RBFOX1: variants seen among roughly 807,000 people sequenced by gnomAD.
RBFOX1 encodes the protein RNA binding protein fox-1 homolog 1.
Under a neutral mutation model 57.7 loss-of-function variants are expected in RBFOX1, and 8 were observed. The ratio of observed to expected loss-of-function variants is 0.14; its 90% CI spans 0.08 to 0.25. The LOEUF (loss-of-function observed/expected upper bound fraction) is 0.25, where lower values mean the gene tolerates loss of function less well. Among genes scored for constraint, RBFOX1 ranks in the 10% least tolerant of loss-of-function variants. The probability of loss-of-function intolerance (pLI) is 1.00; values close to 1 mark genes in which losing one functional copy is unlikely to be tolerated. For missense variants in RBFOX1, 611 were observed against 548.5 expected, an observed-to-expected ratio of 1.11 and a Z score of -1.14; for synonymous variants, 326 against 222.4, an observed-to-expected ratio of 1.47 and a Z score of -4.15.
chr16:7,341,187 T>C (rs952170844), intron 4 of RBFOX1, among the ~76,000 whole-genome samples: 3 of 152,192 alleles, frequency 2.0e-5, no homozygotes, highest in Non-Finnish European at 4.4e-5. Context: ...GGAGCCAGCA[T>C]GTTCACTTGA....
chr16:6,466,343 A>G (rs1040406637), intron 2 of RBFOX1, among the ~76,000 whole-genome samples: 13 of 152,100 alleles, frequency 8.5e-5, no homozygotes, highest in Non-Finnish European at 1.9e-4. Context: ...TTAAATGCTT[A>G]CTATATTCCA....
At chr16:6,319,133 C>T (rs926762935) in intron 2 of RBFOX1, among the ~76,000 whole-genome samples, 1 of 152,074 alleles carries the variant, frequency 6.6e-6, no homozygotes. Flanking sequence ...CAGTCTCTTA[C>T]AGGATTTTAG....
At chr16:6,100,474 T>C (rs2096292282) in intron 1 of RBFOX1, among the ~76,000 whole-genome samples, 2 of 152,240 alleles carry the variant, frequency 1.3e-5, no homozygotes, top group African/African-American at 2.4e-5. Flanking sequence ...CTTATTGCTT[T>C]ATTCTAATGT....
At chr16:6,133,639 C>T (rs2096645545) in intron 1 of RBFOX1, among the ~76,000 whole-genome samples, 1 of 152,220 alleles carries the variant, frequency 6.6e-6, no homozygotes, top group Non-Finnish European at 1.5e-5. Context: ...TTGGTGGCTT[C>T]CCATTGCTCT....
intron 11 of RBFOX1, among the ~76,000 whole-genome samples, chr16:7,644,327 C>T (rs183609759): frequency 6.6e-6 from 1 of 152,248 alleles, no homozygotes; most frequent in Non-Finnish European, 1.5e-5. Context: ...CTAGTAAATC[C>T]TAGCTGTTAT....
intron 3 of RBFOX1, among the ~76,000 whole-genome samples, chr16:6,991,753 T>C (rs891958384): frequency 1.5e-4 from 23 of 152,240 alleles, no homozygotes; most frequent in African/African-American, 4.1e-4. Flanking sequence ...CCCAGGCTGG[T>C]CTTGAACTCC....
intron 4 of RBFOX1, among the ~76,000 whole-genome samples, chr16:7,416,787 A>T (rs552135590): frequency 6.6e-6 from 1 of 152,256 alleles, no homozygotes. Context: ...GACAATGACG[A>T]TAGTGAGTAG....
rs543751640 is a variant in RBFOX1, at chr16:6,642,402, A to T, written c.-63-12201A>T. ...CAATGCATAGCTCTTATTTGCAAAC[A>T]GACCTTTGGTTTGAGCTCACCTGGT... On this transcript the variant is annotated intron_variant, in intron 2 of 15. Transcript: ENST00000550418. Among the ~76,000 whole-genome samples, 96 of 152,252 alleles carry T rather than the reference A, an allele frequency of 6.3e-4. No individual in the cohort carries two copies. In the Middle Eastern group the frequency reaches 0.01, roughly 16 times the overall value.
chr16:5,789,486 G>T (rs2054616947), intron 3 of RBFOX1, among the ~76,000 whole-genome samples: 1 of 152,124 alleles, frequency 6.6e-6, no homozygotes, highest in Admixed American at 6.5e-5. Context: ...TATGTATTTG[G>T]AGTCAAGTTT....
intron 2 of RBFOX1, among the ~76,000 whole-genome samples, chr16:6,414,890 C>T (rs1173775365): frequency 1.3e-5 from 2 of 152,070 alleles, no homozygotes; most frequent in Admixed American, 6.5e-5. Context: ...GTCAGACATC[C>T]TGCAAGGCAT....
Position 6,800,289 on chromosome 16 carries a change from A to C in RBFOX1, c.-16+145639A>C, listed in dbSNP as rs114376488. 2.3e-3 allele frequency among the ~76,000 whole-genome samples: 351 copies of C among 151,394 alleles called. 4 individuals carry two copies. The highest frequency in any genetic ancestry group is 8.0e-3 in the African/African-American group (326 of 40,732). ...ATTGAAAACCCAGCACCCTGGAAAC[A>C]CCTTAGTCCTGGGCCAACCAGACGG... is the stretch of plus-strand genomic sequence containing the variant. On this transcript the variant is annotated intron_variant, in intron 3 of 15. Coordinates refer to ENST00000550418, the MANE Select transcript of RBFOX1 (RefSeq NM_018723.4).
intron 4 of RBFOX1, among the ~76,000 whole-genome samples, chr16:7,354,544 C>T (rs1022291350): frequency 1.1e-4 from 16 of 152,162 alleles, no homozygotes; most frequent in Non-Finnish European, 1.9e-4. Flanking sequence ...CTTCCTAAAA[C>T]CTTCTAAACT....
At chr16:5,813,200 G>T (rs1046715877) in intron 3 of RBFOX1, among the ~76,000 whole-genome samples, 2 of 152,068 alleles carry the variant, frequency 1.3e-5, no homozygotes, top group Non-Finnish European at 2.9e-5. Context: ...TAGAGACGGG[G>T]TTTCACCATC....
intron 4 of RBFOX1, among the ~76,000 whole-genome samples, chr16:7,361,154 T>G (rs1008178449): frequency 5.9e-5 from 9 of 152,180 alleles, no homozygotes; most frequent in African/African-American, 1.9e-4. Flanking sequence ...CAGCCCTCTT[T>G]CCAAGCTTCT....
intron 3 of RBFOX1, among the ~76,000 whole-genome samples, chr16:6,998,558 T>C (rs2092469254): frequency 1.3e-5 from 2 of 152,192 alleles, no homozygotes; most frequent in Admixed American, 1.3e-4. Flanking sequence ...CTGGTTGTAT[T>C]GAAGAACCAA....
rs549110700 is a variant in RBFOX1 at position 6,373,453 on chromosome 16, G to C, written c.-64+56396G>C. The stretch of plus-strand genomic sequence containing the variant: ...GGAAGTATAACTGGATGGGAGGATG[G>C]TTGGTTAGGATCTTTGGGTAGGAGG... On this transcript the variant is annotated intron_variant, in intron 2 of 15. Coordinates refer to ENST00000550418, the MANE Select transcript of RBFOX1 (RefSeq NM_018723.4). Among the ~76,000 whole-genome samples the C allele has an allele frequency of 6.1e-4, 93 of 152,040 alleles. No homozygotes were observed. In the Middle Eastern group the frequency reaches 0.017, roughly 28 times the overall value.
chr16:7,353,472 T>C (rs2097162803), intron 4 of RBFOX1, among the ~76,000 whole-genome samples: 2 of 152,196 alleles, frequency 1.3e-5, no homozygotes, highest in African/African-American at 2.4e-5. Context: ...ATATTCAAGA[T>C]AATTAAAAAC....
chr16:5,693,503 G>A (rs1358505774), intron 3 of RBFOX1, among the ~76,000 whole-genome samples: 1 of 151,238 alleles, frequency 6.6e-6, no homozygotes, highest in Non-Finnish European at 1.5e-5. Flanking sequence ...CATAATACTT[G>A]TGGAACAAAA....
At chr16:5,451,358 C>T (rs752794341) in intron 1 of RBFOX1, among the ~76,000 whole-genome samples, 3 of 152,060 alleles carry the variant, frequency 2.0e-5, no homozygotes, top group East Asian at 3.9e-4. Flanking sequence ...TCCACTGTGG[C>T]GAAAAATAAT....
Sources: gnomAD v4.1 joint callset for allele counts (sites outside exome capture counted in the v4.1 genomes callset) on GRCh38, gnomAD v4.1.1 for gene constraint, MANE v1.5 for transcripts, NCBI Gene and HGNC (gene_info 2026-07-23, HGNC 2026-07-21) for gene names.